NDUFS4: variants seen among roughly 807,000 people sequenced by gnomAD.
The protein encoded by NDUFS4 is NADH dehydrogenase [ubiquinone] iron-sulfur protein 4, mitochondrial.
Under a neutral mutation model 24.3 loss-of-function variants are expected in NDUFS4, and 28 were observed. The ratio of observed to expected loss-of-function variants is 1.15; its 90% CI spans 0.85 to 1.58. The LOEUF (loss-of-function observed/expected upper bound fraction) is 1.58. Among genes scored for constraint, NDUFS4 ranks in the 40% most tolerant of loss-of-function variants. The pLI is 0.00. For synonymous variants in NDUFS4, 93 were observed against 69.7 expected, an observed-to-expected ratio of 1.34 and a Z score of -1.67; for missense variants, 223 against 207.9, an observed-to-expected ratio of 1.07 and a Z score of -0.45.
At chr5:53,627,550 A>T (rs1751268619) in intron 2 of NDUFS4, among the ~76,000 whole-genome samples, 1 of 151,718 alleles carries the variant, frequency 6.6e-6, no homozygotes, top group African/African-American at 2.4e-5. Flanking sequence ...GTCCTCTTTT[A>T]TTTCTTTTTG....
chr5:53,583,203 CTGTT>C (rs1341871481), intron 1 of NDUFS4, among the ~76,000 whole-genome samples: 2 of 152,030 alleles, frequency 1.3e-5, no homozygotes, highest in African/African-American at 4.8e-5. Context: ...TATGAAATAA[CTGTT>C]TGGGTTTTCA....
At chr5:53,585,166 T>C (rs1021104339) in intron 1 of NDUFS4, among the ~76,000 whole-genome samples, 1 of 152,192 alleles carries the variant, frequency 6.6e-6, no homozygotes, top group African/African-American at 2.4e-5. Context: ...CGTTTTCTTG[T>C]TGATTAGGTT....
chr5:53,603,472 G>A lies in NDUFS4; in HGVS notation c.119G>A (p.Trp40Ter), dbSNP rs1750395144. Residue 40 changes from tryptophan (W) to a stop codon, truncating the protein, a stop_gained, in exon 2 of 5, where the codon TGG becomes TAG. Transcript: ENST00000296684. LOFTEE classifies it high-confidence loss of function. ...VPTRSLRTST[W>*]RLAQDQTQDT... is the part of the protein sequence containing the mutation. ...TGCAGGTCGTTGAGGACTTCCACATGGAGATTGGCACAGGACCAGACTCAA... is the reference window on the plus strand; with the variant it reads ...TGCAGGTCGTTGAGGACTTCCACATAGAGATTGGCACAGGACCAGACTCAA... The A allele has an allele frequency of 1.9e-6, 3 of 1,613,464 alleles. No individual in the cohort carries two copies. In the South Asian group the frequency reaches 3.3e-5, roughly 18 times the overall value.
At chr5:53,633,996 A>C (rs1579901197) in intron 2 of NDUFS4, among the ~76,000 whole-genome samples, 1 of 152,242 alleles carries the variant, frequency 6.6e-6, no homozygotes, top group African/African-American at 2.4e-5. Context: ...TGCCCAAATC[A>C]GATTATTAAA....
At chr5:53,609,360 G>A (rs1750628337) in intron 2 of NDUFS4, among the ~76,000 whole-genome samples, 1 of 152,206 alleles carries the variant, frequency 6.6e-6, no homozygotes, top group Admixed American at 6.5e-5. Flanking sequence ...GTGACCAGGT[G>A]CATGGTCAGT....
chr5:53,645,884 G>C (rs1751845069), intron 2 of NDUFS4, among the ~76,000 whole-genome samples: 1 of 151,846 alleles, frequency 6.6e-6, no homozygotes, highest in African/African-American at 2.4e-5. Flanking sequence ...TTTCTCCTCT[G>C]ACTAGTTCGC....
Position 53,683,245 on chromosome 5 carries a change from T to A in NDUFS4, c.*24T>A, listed in dbSNP as rs1579954939. 1 of 1,486,706 alleles carries A rather than the reference T, an allele frequency of 6.7e-7. No individual in the cohort carries two copies. Among genetic ancestry groups the A allele is most frequent in the Non-Finnish European group, 9.4e-7 (1 of 1,064,542 alleles). The allele number at this position is 1,486,706 out of a possible 1,614,324, so 92.1% of individuals were successfully genotyped here. A position where few individuals can be genotyped will look rare whatever the true frequency, so the allele number is the denominator to read the frequency against. On this transcript the variant is annotated 3_prime_UTR_variant, in exon 5 of 5. Transcript: ENST00000296684. Reference sequence around the variant, plus strand: ...AGGTTGGCACTGACTATATCTCTGCTTGACTGTGAATAAAGTCAGCTGTGC... The same window carrying A: ...AGGTTGGCACTGACTATATCTCTGCATGACTGTGAATAAAGTCAGCTGTGC...
In NDUFS4 at chr5:53,603,461, G is replaced by A; in HGVS notation, c.108G>A (p.Arg36=). ...AAGTCTTGCACTGCAGGTCGTTGAG[G>A]ACTTCCACATGGAGATTGGCACAGG... is the stretch of plus-strand genomic sequence containing the variant. ...SVSRVPTRSL[R]TSTWRLAQDQ... is the part of the protein sequence containing the mutation. The change falls in exon 2 of 5, where the codon AGG becomes AGA. Residue 36 remains arginine, a synonymous_variant. Coordinates refer to ENST00000296684, the MANE Select transcript of NDUFS4 (RefSeq NM_002495.4). 6.2e-7 allele frequency: 1 copy of A among 1,613,324 alleles called. No individual in the cohort carries two copies. Among genetic ancestry groups the A allele is most frequent in the Non-Finnish European group, 8.5e-7 (1 of 1,179,802 alleles).
At chr5:53,678,263 C>T (rs540814099) in intron 4 of NDUFS4, among the ~76,000 whole-genome samples, 2 of 152,244 alleles carry the variant, frequency 1.3e-5, no homozygotes, top group African/African-American at 4.8e-5. Flanking sequence ...CAGCATTTTC[C>T]AAAGGTACTT....
chr5:53,609,840 G>C (rs1462307063), intron 2 of NDUFS4, among the ~76,000 whole-genome samples: 1 of 152,002 alleles, frequency 6.6e-6, no homozygotes, highest in African/African-American at 2.4e-5. Flanking sequence ...GCCAACCTCT[G>C]CTTTCCTCCC....
chr5:53,607,850 A>G (rs1750575692), intron 2 of NDUFS4, among the ~76,000 whole-genome samples: 1 of 152,218 alleles, frequency 6.6e-6, no homozygotes, highest in Admixed American at 6.5e-5. Context: ...CCATTAAGCT[A>G]GATAGTAGAT....
chr5:53,635,815 G>A (rs1276975058), intron 2 of NDUFS4, among the ~76,000 whole-genome samples: 1 of 152,016 alleles, frequency 6.6e-6, no homozygotes, highest in Non-Finnish European at 1.5e-5. Context: ...ATGCAAAAAG[G>A]TGTTCTAATA....
At chr5:53,580,610 A>G (rs1213859613) in intron 1 of NDUFS4, among the ~76,000 whole-genome samples, 1 of 152,200 alleles carries the variant, frequency 6.6e-6, no homozygotes, top group South Asian at 2.1e-4. Flanking sequence ...AAACAATGTT[A>G]CGATGATGAC....
chr5:53,675,105 T>C (rs543981394), intron 4 of NDUFS4, among the ~76,000 whole-genome samples: 2 of 151,438 alleles, frequency 1.3e-5, no homozygotes, highest in Non-Finnish European at 2.9e-5. Flanking sequence ...TTAAGATTAC[T>C]CAATTTACAT....
chr5:53,651,998 C>T (rs963609825), intron 3 of NDUFS4, among the ~76,000 whole-genome samples: 2 of 152,060 alleles, frequency 1.3e-5, no homozygotes, highest in Non-Finnish European at 2.9e-5. Context: ...TGGTCTCGAT[C>T]TCTTGACCTC....
chr5:53,633,529 A>G (rs926091536), intron 2 of NDUFS4, among the ~76,000 whole-genome samples: 1 of 152,142 alleles, frequency 6.6e-6, no homozygotes, highest in Non-Finnish European at 1.5e-5. Flanking sequence ...ATCCTATCAT[A>G]TTTCTGACTA....
chr5:53,612,609 T>C (rs919382702), intron 2 of NDUFS4, among the ~76,000 whole-genome samples: 6 of 152,090 alleles, frequency 3.9e-5, no homozygotes, highest in African/African-American at 9.7e-5. Flanking sequence ...ATGTTGCCAA[T>C]TGGTTGTATT....
At chr5:53,594,878 G>GTGTGTGTA (rs1469828850) in intron 1 of NDUFS4, among the ~76,000 whole-genome samples, 104 of 151,600 alleles carry the variant, frequency 6.9e-4, no homozygotes, top group African/African-American at 2.5e-3. Flanking sequence ...GTGTTTGTGT[G>GTGTGTGTA]TGTGTGTGTG....
chr5:53,672,315 C>T (rs976454459), intron 4 of NDUFS4, among the ~76,000 whole-genome samples: 3 of 151,754 alleles, frequency 2.0e-5, no homozygotes, highest in African/African-American at 7.3e-5. Flanking sequence ...TTATTTTACT[C>T]ATATAAGGGA....
Sources: gnomAD v4.1 joint callset for allele counts (sites outside exome capture counted in the v4.1 genomes callset) on GRCh38, gnomAD v4.1.1 for gene constraint, MANE v1.5 for transcripts, NCBI Gene and HGNC (gene_info 2026-07-23, HGNC 2026-07-21) for gene names.